Variants in NTNG2 observed in about 807,000 individuals in gnomAD.
NTNG2 encodes netrin-G2.
A neutral mutation model predicts 47.6 loss-of-function variants in NTNG2; 15 were observed. The ratio of observed to expected loss-of-function variants is 0.32; its 90% CI spans 0.21 to 0.49. The LOEUF is 0.49. NTNG2 is among the 20% of genes least tolerant of loss of function. NTNG2 has a pLI of 0.99. For missense variants in NTNG2, 578 were observed against 764.6 expected (o/e 0.76, Z 2.88); for synonymous variants, 307 against 324.6 (o/e 0.95, Z 0.58).
chr9:132,238,879 C>T (rs1355214433), intron 5 of NTNG2: 1 of 624,166 alleles, frequency 1.6e-6, no homozygotes, highest in African/African-American at 1.9e-5. Context: ...GGTGGGAATC[C>T]CTGGGCTCAG....
chr9:132,198,364 C>A lies in NTNG2; in HGVS notation c.612C>A (p.Gly204=), dbSNP rs758079957. 1.9e-6 allele frequency: 3 copies of A among 1,612,950 alleles called. No individual in the cohort carries two copies. The South Asian group carries it at 3.3e-5, about 18-fold the overall frequency. ...CCGAGGAGTACTCGCGCTGGGCAGG[C>A]TCCAAGAAGGAGAAGCACGTGCGCT... is the stretch of plus-strand genomic sequence containing the variant. The part of the protein sequence containing the change: ...LCTEEYSRWA[G]SKKEKHVRFE... The change falls in exon 3 of 8, where the codon GGC becomes GGA. Residue 204 remains glycine (G), a synonymous_variant. Transcript: ENST00000393229.
chr9:132,183,380 G>A (rs941087597), intron 2 of NTNG2, among the ~76,000 whole-genome samples: 6 of 152,174 alleles, frequency 3.9e-5, no homozygotes, highest in African/African-American at 1.4e-4. Context: ...GCTCAGCAGC[G>A]TGCATGCGTT....
At chr9:132,205,053 G>A (rs1158610109) in intron 3 of NTNG2, among the ~76,000 whole-genome samples, 2 of 152,214 alleles carry the variant, frequency 1.3e-5, no homozygotes, top group Non-Finnish European at 1.5e-5. Flanking sequence ...CCACAGGGGA[G>A]AACAGTATGG....
chr9:132,210,541 G>A (rs1345656685), intron 3 of NTNG2, among the ~76,000 whole-genome samples: 1 of 152,222 alleles, frequency 6.6e-6, no homozygotes, highest in African/African-American at 2.4e-5. Flanking sequence ...GAGTGCTGCT[G>A]CCAACAGCGG....
At chr9:132,225,911 G>A (rs1398024369) in intron 3 of NTNG2, among the ~76,000 whole-genome samples, 6 of 152,178 alleles carry the variant, frequency 3.9e-5, no homozygotes, top group Admixed American at 3.3e-4. Context: ...GCATCCCCTG[G>A]TGTCGTTCAG....
intron 3 of NTNG2, among the ~76,000 whole-genome samples, chr9:132,219,620 G>A (rs2130887495): frequency 6.6e-6 from 1 of 151,448 alleles, no homozygotes; most frequent in East Asian, 1.9e-4. Context: ...TATACAATAT[G>A]TAGTCTTTCA....
chr9:132,199,113 CG>C (rs1380029716), intron 3 of NTNG2, among the ~76,000 whole-genome samples: 2 of 152,074 alleles, frequency 1.3e-5, no homozygotes, highest in Non-Finnish European at 2.9e-5. Flanking sequence ...AGCTTTTCCA[CG>C]GAAGAAGGTG....
intron 3 of NTNG2, among the ~76,000 whole-genome samples, chr9:132,205,012 T>G (rs1839061268): frequency 6.6e-6 from 1 of 152,200 alleles, no homozygotes; most frequent in Non-Finnish European, 1.5e-5. Context: ...GGAACCTTCA[T>G]GCATTGCTGG....
At position 132,240,633 on chromosome 9, in the gene NTNG2, G is replaced by A. The variant is rs1182724687; in HGVS notation, c.1223-277G>A. ...GCGACCCCTCTAGTTGCCCAGAGAG[G>A]GGAAGGGGCTGACCCAGGCCACACC... is the stretch of plus-strand genomic sequence containing the variant. On this transcript the variant is annotated intron_variant, in intron 6 of 7. Transcript: ENST00000393229. 1.1e-5 allele frequency: 6 copies of A among 549,560 alleles called. No individual in the cohort carries two copies. The Admixed American group carries it at 1.3e-4, about 12-fold the overall frequency. 34.0% of individuals were successfully genotyped at this position (549,560 alleles called of 1,614,324 possible). A position where few individuals can be genotyped will look rare whatever the true frequency, so the allele number is the denominator to read the frequency against.
intron 2 of NTNG2, among the ~76,000 whole-genome samples, chr9:132,192,388 C>T (rs1029188485): frequency 9.9e-5 from 15 of 152,220 alleles, no homozygotes; most frequent in African/African-American, 2.6e-4. Flanking sequence ...GTCAGGAGTT[C>T]GAGACCAGCC....
At position 132,221,924 on chromosome 9, in the gene NTNG2, C is replaced by A. The variant is rs1379195769; in HGVS notation, c.858-4925C>A. 6.6e-6 allele frequency among the ~76,000 whole-genome samples: 1 copy of A among 152,238 alleles called. No homozygotes were observed. The highest frequency in any genetic ancestry group is 1.5e-5 in the Non-Finnish European group (1 of 68,046). On this transcript the variant is annotated intron_variant, in intron 3 of 7. Transcript: ENST00000393229. This position sits in a 1 kb window ranked among gnomAD's most constrained non-coding sequence, Gnocchi z 4.2. ...CACCCAAAGTTGATGGCAATCTTTT[C>A]TTTCGGTAGCTGATATCTAAAAATA... is the stretch of plus-strand genomic sequence containing the variant.
rs544774557 is a variant in NTNG2, at chr9:132,187,471, T to C, written c.214-10495T>C. On this transcript the variant is annotated intron_variant, in intron 2 of 7. Coordinates refer to ENST00000393229, the MANE Select transcript of NTNG2 (RefSeq NM_032536.4). ...GGGAAGGAGAGAGACACCTGCACGC[T>C]GGGGAAGGAATTAGCAGCACAGAGA... Among the ~76,000 whole-genome samples, 5 of 151,548 alleles carry C rather than the reference T, an allele frequency of 3.3e-5. 1 individual carries two copies. In the South Asian group the frequency reaches 1.0e-3, roughly 32 times the overall value.
intron 5 of NTNG2, among the ~76,000 whole-genome samples, chr9:132,237,902 A>G (rs972250395): frequency 6.6e-6 from 1 of 152,146 alleles, no homozygotes; most frequent in African/African-American, 2.4e-5. Flanking sequence ...TCTCCTCATT[A>G]TCTCTGGAGG....
At chr9:132,192,548 G>A (rs966267234) in intron 2 of NTNG2, among the ~76,000 whole-genome samples, 1 of 152,188 alleles carries the variant, frequency 6.6e-6, no homozygotes, top group Non-Finnish European at 1.5e-5. Context: ...CCGAGATTGT[G>A]CCACTGCATT....
At chr9:132,190,466 G>A (rs1837798655) in intron 2 of NTNG2, among the ~76,000 whole-genome samples, 1 of 152,042 alleles carries the variant, frequency 6.6e-6, no homozygotes, top group African/African-American at 2.4e-5. Context: ...AAGGCCAGCT[G>A]CATGACGTTG....
intron 2 of NTNG2, among the ~76,000 whole-genome samples, chr9:132,188,373 G>A (rs1311266708): frequency 6.6e-6 from 1 of 152,250 alleles, no homozygotes; most frequent in African/African-American, 2.4e-5. Flanking sequence ...GGAGCACAGT[G>A]CGGCCCAGGC....
rs553405794 is a variant in NTNG2 at position 132,188,375 on chromosome 9, G to A, written c.214-9591G>A. Among the ~76,000 whole-genome samples the A allele has an allele frequency of 7.2e-5, 11 of 152,356 alleles. No homozygotes were observed. In the East Asian group the frequency reaches 1.2e-3, roughly 16 times the overall value. Reference sequence around the variant, plus strand: ...ACCCGAGTCTGCGGGAGCACAGTGCGGCCCAGGCAACAGCGTCCTTTCCCT... The same window carrying A: ...ACCCGAGTCTGCGGGAGCACAGTGCAGCCCAGGCAACAGCGTCCTTTCCCT... On this transcript the variant is annotated intron_variant, in intron 2 of 7. Transcript: ENST00000393229.
At position 132,243,590 on chromosome 9, in the gene NTNG2, G is replaced by C. The variant is rs11243685; in HGVS notation, c.*1479G>C. 68,013 of 152,248 alleles carry C rather than the reference G, an allele frequency of 0.45. 16,892 individuals carry two copies. Among genetic ancestry groups the C allele is most frequent in the African/African-American group, 0.67 (27,743 of 41,504 alleles). 9.4% of individuals were successfully genotyped at this position (152,248 alleles called of 1,614,324 possible). On this transcript the variant is annotated 3_prime_UTR_variant, in exon 8 of 8. Coordinates refer to ENST00000393229, the MANE Select transcript of NTNG2 (RefSeq NM_032536.4). ...TGTTTATTTCAGAGCAGTGCCGGGG[G>C]TCCGGTCCTGGTTGCTAACTGCTGC...
chr9:132,162,555 T>TGTGAGAGA lies in NTNG2; in HGVS notation c.-484+317_-484+318insTGAGAGAG, dbSNP rs112179857. Among the ~76,000 whole-genome samples the TGTGAGAGA allele has an allele frequency of 6.8e-3, 946 of 139,456 alleles. 17 individuals carry two copies. The highest frequency in any genetic ancestry group is 0.02 in the African/African-American group (729 of 36,852). 91.5% of individuals were successfully genotyped at this position (139,456 alleles called of 152,430 possible). ...GTGAGAGTGTGTGTGTGTGTGTGTG[T>TGTGAGAGA]GAGAGAGAGACAGAGTGTGTGTGTG... On this transcript the variant is annotated intron_variant, in intron 1 of 7. Coordinates refer to ENST00000393229, the MANE Select transcript of NTNG2 (RefSeq NM_032536.4). This position sits in a 1 kb window ranked among gnomAD's most constrained non-coding sequence, Gnocchi z 4.6.
Sources: gnomAD v4.1 joint callset for allele counts (sites outside exome capture counted in the v4.1 genomes callset) on GRCh38, gnomAD v4.1.1 for gene constraint, Gnocchi (gnomAD v3.1) non-coding constraint, MANE v1.5 for transcripts, NCBI Gene and HGNC (gene_info 2026-07-23, HGNC 2026-07-21) for gene names.